Variants in CDKN2B-AS1 observed in about 807,000 individuals in gnomAD.
The protein encoded by CDKN2B-AS1 is CDKN2B antisense RNA 1 (non-protein coding).
chr9:22,029,621 C>A, intron 1 of CDKN2B-AS1: 1 of 644,262 alleles, frequency 1.6e-6, no homozygotes, highest in South Asian at 2.1e-5. Flanking sequence ...AAACCATCAT[C>A]TTTCAGGTCT....
chr9:22,010,972 A>G (rs1378185077), intron 1 of CDKN2B-AS1, among the ~76,000 whole-genome samples: 1 of 152,246 alleles, frequency 6.6e-6, no homozygotes, highest in Admixed American at 6.5e-5. Flanking sequence ...TGATAGGGAA[A>G]GAACCAATGA....
intron 4 of CDKN2B-AS1, among the ~76,000 whole-genome samples, chr9:22,084,893 T>C (rs980452026): frequency 6.6e-6 from 1 of 152,122 alleles, no homozygotes; most frequent in Non-Finnish European, 1.5e-5. Flanking sequence ...CAGCTGAAAT[T>C]GTGGAATCAT....
At chr9:22,113,493 C>T (rs1825856651) in intron 4 of CDKN2B-AS1, among the ~76,000 whole-genome samples, 1 of 152,184 alleles carries the variant, frequency 6.6e-6, no homozygotes. Flanking sequence ...CAATCACATT[C>T]GCACATTGCA....
rs561196751 is a variant in CDKN2B-AS1, at chr9:22,059,538, G to A, written n.438+3151G>A. On this transcript the variant is annotated intron_variant and non_coding_transcript_variant, in intron 4 of 4. Coordinates refer to ENST00000650946, the Ensembl canonical transcript of CDKN2B-AS1. ...AGCCTCCCTCCAATCTGCTTTCACC[G>A]GCTGGTGTTGAGTGTCTGTGGCTTT... 1.1e-4 allele frequency among the ~76,000 whole-genome samples: 16 copies of A among 152,258 alleles called. No individual in the cohort carries two copies. In the East Asian group the frequency reaches 2.7e-3, roughly 26 times the overall value.
intron 1 of CDKN2B-AS1, among the ~76,000 whole-genome samples, chr9:22,007,518 T>C (rs1177513472): frequency 6.6e-6 from 1 of 152,202 alleles, no homozygotes; most frequent in Non-Finnish European, 1.5e-5. Context: ...ATATTTAAAG[T>C]CAATTATAAG....
intron 1 of CDKN2B-AS1, chr9:22,009,276 C>A: frequency 2.0e-6 from 1 of 499,318 alleles, no homozygotes; most frequent in Non-Finnish European, 3.6e-6. Context: ...GTCGCGGAGT[C>A]CTCACTGCCC....
At chr9:22,077,225 T>C (rs1193333343) in intron 4 of CDKN2B-AS1, among the ~76,000 whole-genome samples, 2 of 152,154 alleles carry the variant, frequency 1.3e-5, no homozygotes, top group African/African-American at 4.8e-5. Flanking sequence ...TTTTACTTAA[T>C]ATAATTTAAA....
intron 4 of CDKN2B-AS1, among the ~76,000 whole-genome samples, chr9:22,124,640 C>T (rs1242920461): frequency 6.6e-6 from 1 of 152,126 alleles, no homozygotes; most frequent in Non-Finnish European, 1.5e-5. Context: ...TAACTTTTCT[C>T]TTGTTTTTCT....
At chr9:22,126,633 C>T (rs550352839) in intron 4 of CDKN2B-AS1, among the ~76,000 whole-genome samples, 1 of 129,690 alleles carries the variant, frequency 7.7e-6, no homozygotes, top group East Asian at 2.4e-4. Flanking sequence ...ACTGCAGTGG[C>T]GCTATCTCGG....
At chr9:22,043,079 G>A (rs1822964229) in intron 1 of CDKN2B-AS1, among the ~76,000 whole-genome samples, 1 of 151,962 alleles carries the variant, frequency 6.6e-6, no homozygotes, top group Non-Finnish European at 1.5e-5. Flanking sequence ...GGAGCTATCA[G>A]GTCTGTATTT....
At chr9:22,037,702 T>C (rs1007376788) in intron 1 of CDKN2B-AS1, among the ~76,000 whole-genome samples, 28 of 152,012 alleles carry the variant, frequency 1.8e-4, no homozygotes, top group African/African-American at 6.3e-4. Flanking sequence ...GTAGTGGAGA[T>C]TGGGGGGCAT....
intron 4 of CDKN2B-AS1, among the ~76,000 whole-genome samples, chr9:22,081,552 G>T (rs1404045164): frequency 6.6e-6 from 1 of 152,190 alleles, no homozygotes; most frequent in Non-Finnish European, 1.5e-5. Context: ...AGATTTTAGG[G>T]ATTACAGAAA....
At chr9:22,091,304 A>G (rs1393037115) in intron 4 of CDKN2B-AS1, among the ~76,000 whole-genome samples, 1 of 152,164 alleles carries the variant, frequency 6.6e-6, no homozygotes, top group Non-Finnish European at 1.5e-5. Context: ...TGACTTGGCA[A>G]TGCAGGCTCT....
intron 4 of CDKN2B-AS1, among the ~76,000 whole-genome samples, chr9:22,070,118 C>G (rs1316713594): frequency 6.6e-6 from 1 of 152,142 alleles, no homozygotes; most frequent in Non-Finnish European, 1.5e-5. Context: ...GAAAATATGA[C>G]TATAAAACCA....
Position 22,006,066 on chromosome 9 carries a change from C to T in CDKN2B-AS1, n.29+10905C>T, listed in dbSNP as rs2131180629. The T allele has an allele frequency of 6.2e-7, 1 of 1,606,290 alleles. No individual in the cohort carries two copies. On this transcript the variant is annotated intron_variant and non_coding_transcript_variant, in intron 1 of 4. Coordinates refer to ENST00000650946, the Ensembl canonical transcript of CDKN2B-AS1. This position sits in a 1 kb window ranked among gnomAD's most constrained non-coding sequence, Gnocchi z 6.4. ...CTCGGCCAAGTCCACGGGCAGACGA[C>T]CCCAGGCATCGCGCACGTCCAGCCG...
chr9:22,006,064 G>C lies in CDKN2B-AS1; in HGVS notation n.29+10903G>C, dbSNP rs2131180606. On this transcript the variant is annotated intron_variant and non_coding_transcript_variant, in intron 1 of 4. Coordinates refer to ENST00000650946, the Ensembl canonical transcript of CDKN2B-AS1. The surrounding 1 kb of genome is among the most constrained non-coding windows in gnomAD (Gnocchi z 6.4). ...TCCTCGGCCAAGTCCACGGGCAGAC[G>C]ACCCCAGGCATCGCGCACGTCCAGC... 1 of 1,606,114 alleles carries C rather than the reference G, an allele frequency of 6.2e-7. No individual in the cohort carries two copies. The highest frequency in any genetic ancestry group is 8.5e-7 in the Non-Finnish European group (1 of 1,179,638).
chr9:22,064,050 G>T (rs1243506950), intron 4 of CDKN2B-AS1: 5 of 152,170 alleles, frequency 3.3e-5, no homozygotes, highest in Non-Finnish European at 7.3e-5. Context: ...AAGTGGCAGG[G>T]GGTATAAGTT....
Position 21,999,450 on chromosome 9 carries a change from A to C in CDKN2B-AS1, n.29+4289A>C, listed in dbSNP as rs1023667666. On this transcript the variant is annotated intron_variant and non_coding_transcript_variant, in intron 1 of 4. Coordinates refer to ENST00000650946, the Ensembl canonical transcript of CDKN2B-AS1. This position sits in a 1 kb window ranked among gnomAD's most constrained non-coding sequence, Gnocchi z 4.7. The stretch of plus-strand genomic sequence containing the variant: ...CATATCTTTATATACACATATGTAC[A>C]CACATATCTGTAAGTATGGGAAGAT... 6.6e-6 allele frequency among the ~76,000 whole-genome samples: 1 copy of C among 151,938 alleles called. No individual in the cohort carries two copies. Among genetic ancestry groups the C allele is most frequent in the East Asian group, 1.9e-4 (1 of 5,194 alleles).
intron 1 of CDKN2B-AS1, among the ~76,000 whole-genome samples, chr9:22,025,088 A>G (rs1270318669): frequency 6.6e-6 from 1 of 152,210 alleles, no homozygotes; most frequent in Non-Finnish European, 1.5e-5. Flanking sequence ...ACACTCCTGC[A>G]CTAAACCCTC....
Sources: allele counts gnomAD v4.1 joint callset (sites outside exome capture counted in the v4.1 genomes callset), GRCh38; gene constraint gnomAD v4.1.1; non-coding constraint Gnocchi (gnomAD v3.1); transcripts MANE v1.5; gene names NCBI Gene and HGNC (gene_info 2026-07-23, HGNC 2026-07-21).